Variants in PCDHGA8 observed in about 807,000 individuals in gnomAD.
The protein encoded by PCDHGA8 is protocadherin gamma-A8.
A neutral mutation model predicts 59.2 loss-of-function variants in PCDHGA8; 45 were observed. The ratio of observed to expected loss-of-function variants is 0.76; its 90% CI spans 0.60 to 0.98. PCDHGA8 has a LOEUF of 0.98. Ranked by LOEUF, PCDHGA8 falls within the 50% of genes least tolerant of loss-of-function variation. The pLI is 0.00. For missense variants in PCDHGA8, 1,257 were observed against 1,196.2 expected (o/e 1.05, Z -0.75); for synonymous variants, 531 against 519.0 (o/e 1.02, Z -0.32).
chr5:141,399,241 T>C, intron 1 of PCDHGA8: 3 of 1,613,950 alleles, frequency 1.9e-6, no homozygotes, highest in South Asian at 1.1e-5. Flanking sequence ...TGACCAAGAT[T>C]CTGGGGAAAA....
At chr5:141,408,675 C>T (rs574868088) in intron 1 of PCDHGA8, 14 of 1,613,950 alleles carry the variant, frequency 8.7e-6, no homozygotes, top group Admixed American at 8.3e-5. Flanking sequence ...GACCCTGCCA[C>T]GGATCCTGAT....
intron 1 of PCDHGA8, chr5:141,414,141 A>T (rs1162904324): frequency 1.3e-6 from 2 of 1,597,216 alleles, no homozygotes; most frequent in East Asian, 2.3e-5. Context: ...ATGAAATAGA[A>T]ATACAAGCAG....
chr5:141,479,860 C>T (rs1374284598), intron 1 of PCDHGA8, among the ~76,000 whole-genome samples: 2 of 152,108 alleles, frequency 1.3e-5, no homozygotes, highest in Admixed American at 6.5e-5. Context: ...AAGGCCTTTG[C>T]CCTGGAGAGA....
chr5:141,419,012 A>C (rs1422133011), intron 1 of PCDHGA8: 1 of 1,613,986 alleles, frequency 6.2e-7, no homozygotes. Context: ...AGTCAGGTGT[A>C]GCTTAAGTAG....
At chr5:141,395,543 TGTGTGTG>T in intron 1 of PCDHGA8, 1 of 8,204 alleles carries the variant, frequency 1.2e-4, no homozygotes, top group Non-Finnish European at 2.0e-4. Context: ...TGCTATTGTT[TGTGTGTG>T]TGTGTGTGTG....
intron 1 of PCDHGA8, among the ~76,000 whole-genome samples, chr5:141,461,314 T>A (rs1453512629): frequency 6.6e-6 from 1 of 152,198 alleles, no homozygotes; most frequent in Non-Finnish European, 1.5e-5. Context: ...TTTTTTGACT[T>A]TTTAATAATG....
rs1158641344 is a variant in PCDHGA8, at chr5:141,393,155, A to G, written c.342A>G (p.Gly114=). 1 of 1,613,328 alleles carries G rather than the reference A, an allele frequency of 6.2e-7. No homozygotes were observed. The highest frequency in any genetic ancestry group is 8.5e-7 in the Non-Finnish European group (1 of 1,179,900). Residue 114 remains glycine, a synonymous_variant, in exon 1 of 4, where the codon GGA becomes GGG. Transcript: ENST00000398604. ...TTAACACCCTGGTTGAGGATAAAGGAAAACTCTTTGGGGTAGAAATAGAAA... is the reference window on the plus strand; with the variant it reads ...TTAACACCCTGGTTGAGGATAAAGGGAAACTCTTTGGGGTAGAAATAGAAA... ...ININTLVEDK[G]KLFGVEIEII... is the part of the protein sequence containing the mutation.
At chr5:141,427,857 G>A (rs746661329) in intron 1 of PCDHGA8, 36 of 1,554,574 alleles carry the variant, frequency 2.3e-5, no homozygotes, top group Non-Finnish European at 2.9e-5. Context: ...GCAGCTGTGC[G>A]CCTTCGAGCT....
At chr5:141,508,483 G>T (rs1186425031) in intron 3 of PCDHGA8, among the ~76,000 whole-genome samples, 2 of 152,154 alleles carry the variant, frequency 1.3e-5, no homozygotes, top group East Asian at 3.9e-4. Context: ...TTACATTCTG[G>T]ATTTCCATAT....
intron 1 of PCDHGA8, chr5:141,404,643 AC>A (rs769032535): frequency 2.5e-6 from 4 of 1,614,126 alleles, no homozygotes; most frequent in East Asian, 4.5e-5. Flanking sequence ...GAAATCCTGT[AC>A]CCTGCCCTCC....
At chr5:141,410,839 T>G in intron 1 of PCDHGA8, 2 of 481,442 alleles carry the variant, frequency 4.2e-6, no homozygotes, top group Non-Finnish European at 6.8e-6. Context: ...TGAAGATATT[T>G]TGTCTTTGTC....
intron 1 of PCDHGA8, among the ~76,000 whole-genome samples, chr5:141,444,466 C>A (rs539222916): frequency 1.3e-5 from 2 of 151,982 alleles, no homozygotes; most frequent in African/African-American, 4.8e-5. Flanking sequence ...TCACTGCGCC[C>A]GGTCGCGTAC....
chr5:141,410,726 A>G, intron 1 of PCDHGA8: 4 of 1,376,038 alleles, frequency 2.9e-6, no homozygotes, highest in Non-Finnish European at 3.9e-6. Context: ...TTTAAAATCC[A>G]TAGCTTTTTA....
At position 141,486,135 on chromosome 5, in the gene PCDHGA8, G is replaced by A. The variant is rs145871538; in HGVS notation, c.2425-8672G>A. ...GAGAATTACTATGAATTTGATGTGC[G>A]GGCTCGCGATGGGGGTTCTCCAGCC... On this transcript the variant is annotated intron_variant, in intron 1 of 3. Transcript: ENST00000398604. This position sits in a 1 kb window ranked among gnomAD's most constrained non-coding sequence, Gnocchi z 5.0. The A allele has an allele frequency of 1.9e-6, 3 of 1,614,168 alleles. No homozygotes were observed. Among genetic ancestry groups the A allele is most frequent in the Non-Finnish European group, 2.5e-6 (3 of 1,180,022 alleles).
intron 1 of PCDHGA8, among the ~76,000 whole-genome samples, chr5:141,436,538 A>G (rs1353206648): frequency 6.6e-6 from 1 of 152,194 alleles, no homozygotes; most frequent in Admixed American, 6.5e-5. Context: ...CAAGTTATTT[A>G]ATCTCTTTGA....
chr5:141,406,159 A>G (rs1237857279), intron 1 of PCDHGA8, among the ~76,000 whole-genome samples: 3 of 151,234 alleles, frequency 2.0e-5, no homozygotes, highest in Non-Finnish European at 2.9e-5. Context: ...TGCAGTCTCA[A>G]TCTCCTGGGC....
chr5:141,464,271 A>AT (rs1336006891), intron 1 of PCDHGA8, among the ~76,000 whole-genome samples: 1 of 136,538 alleles, frequency 7.3e-6, no homozygotes, highest in Non-Finnish European at 1.5e-5. Flanking sequence ...TCTAAAAAAA[A>AT]AAAAAAGCAA....
rs1194909537 is a variant in PCDHGA8 at position 141,511,022 on chromosome 5, T to C, written c.2648T>C (p.Phe883Ser). 1 of 1,614,176 alleles carries C rather than the reference T, an allele frequency of 6.2e-7. No individual in the cohort carries two copies. The highest frequency in any genetic ancestry group is 8.5e-7 in the Non-Finnish European group (1 of 1,180,020). ...MGLSARYGPQ[F>S]TLQHVPDYRQ... ...TTGAGCGCCCGCTACGGACCCCAGT[T>C]CACCCTGCAGCACGTGCCCGACTAC... The change falls in exon 4 of 4, where the codon TTC becomes TCC. Residue 883 changes from phenylalanine (F) to serine (S), a missense_variant. Transcript: ENST00000398604.
At chr5:141,423,225 C>T (rs763729316) in intron 1 of PCDHGA8, 3 of 1,613,804 alleles carry the variant, frequency 1.9e-6, no homozygotes, top group South Asian at 1.1e-5. Context: ...TGGCTGTGGC[C>T]GACAGCATCC....
Sources: allele counts gnomAD v4.1 joint callset (sites outside exome capture counted in the v4.1 genomes callset), GRCh38; gene constraint gnomAD v4.1.1; non-coding constraint Gnocchi (gnomAD v3.1); transcripts MANE v1.5; gene names NCBI Gene and HGNC (gene_info 2026-07-23, HGNC 2026-07-21).